The following USP47 variants were observed in gnomAD, a reference collection of about 807,000 sequenced individuals.
USP47 encodes ubiquitin carboxyl-terminal hydrolase 47.
Under a neutral mutation model 165.1 loss-of-function variants are expected in USP47, and 35 were observed. The observed-to-expected ratio is 0.21, with a 90% CI of 0.16 to 0.28. The LOEUF (loss-of-function observed/expected upper bound fraction) is 0.28. USP47 is among the 10% of genes least tolerant of loss of function. USP47 has a pLI of 1.00. For synonymous variants in USP47, 531 were observed against 544.5 expected (o/e 0.98, Z 0.35); for missense variants, 1,277 against 1,607.4 (o/e 0.79, Z 3.52).
intron 1 of USP47, among the ~76,000 whole-genome samples, chr11:11,847,129 T>G (rs1848470770): frequency 6.6e-6 from 1 of 152,150 alleles, no homozygotes; most frequent in African/African-American, 2.4e-5. Flanking sequence ...TTAGAAGGAA[T>G]ACACTAAAAT....
At chr11:11,915,604 A>G (rs944773350) in intron 8 of USP47, among the ~76,000 whole-genome samples, 2 of 152,186 alleles carry the variant, frequency 1.3e-5, no homozygotes, top group African/African-American at 4.8e-5. Context: ...AACTGGGGGA[A>G]GTGTACAAGA....
At chr11:11,913,277 A>C in intron 8 of USP47, among the ~76,000 whole-genome samples, 1 of 149,068 alleles carries the variant, frequency 6.7e-6, no homozygotes, top group Non-Finnish European at 1.5e-5. Flanking sequence ...AAAAAAAAAA[A>C]CAACACCTGA....
chr11:11,871,120 G>C (rs571984637), intron 1 of USP47, among the ~76,000 whole-genome samples: 1 of 152,212 alleles, frequency 6.6e-6, no homozygotes, highest in East Asian at 1.9e-4. Context: ...GTAGTCTTTA[G>C]ATTAGGTCTA....
At chr11:11,847,152 TATTTCTGA>T (rs1348967694) in intron 1 of USP47, among the ~76,000 whole-genome samples, 12 of 152,190 alleles carry the variant, frequency 7.9e-5, no homozygotes, top group Admixed American at 2.0e-4. Flanking sequence ...TAAGAGTTGC[TATTTCTGA>T]ATTTCTGGAT....
intron 5 of USP47, among the ~76,000 whole-genome samples, chr11:11,900,004 TAG>T (rs1852097637): frequency 6.6e-6 from 1 of 151,908 alleles, no homozygotes. Flanking sequence ...ATAGACTATC[TAG>T]AGAGTAGCAC....
chr11:11,870,630 A>G (rs1300022928), intron 1 of USP47, among the ~76,000 whole-genome samples: 2 of 152,068 alleles, frequency 1.3e-5, no homozygotes, highest in African/African-American at 2.4e-5. Flanking sequence ...CTTGAAGGGC[A>G]TTTCTGCTGG....
chr11:11,856,087 C>A (rs1260945285), intron 1 of USP47, among the ~76,000 whole-genome samples: 2 of 152,060 alleles, frequency 1.3e-5, no homozygotes, highest in African/African-American at 4.8e-5. Flanking sequence ...TAGGAAGTGG[C>A]AAAAAATTTA....
At chr11:11,891,209 C>T (rs986179154) in intron 3 of USP47, among the ~76,000 whole-genome samples, 33 of 152,184 alleles carry the variant, frequency 2.2e-4, no homozygotes, top group African/African-American at 7.7e-4. Context: ...AAAACCTGGT[C>T]TGATTTACCT....
At chr11:11,863,134 A>G (rs1157585299) in intron 1 of USP47, among the ~76,000 whole-genome samples, 1 of 152,150 alleles carries the variant, frequency 6.6e-6, no homozygotes, top group African/African-American at 2.4e-5. Flanking sequence ...TGATTTATAG[A>G]GATTGTTTAT....
intron 1 of USP47, among the ~76,000 whole-genome samples, chr11:11,872,169 C>T (rs1247182996): frequency 6.6e-6 from 1 of 152,176 alleles, no homozygotes; most frequent in East Asian, 1.9e-4. Flanking sequence ...AGCTTCCTCA[C>T]TCAACATGTA....
intron 20 of USP47, among the ~76,000 whole-genome samples, chr11:11,947,531 T>G (rs1171215398): frequency 1.3e-5 from 2 of 152,164 alleles, no homozygotes; most frequent in Non-Finnish European, 2.9e-5. Flanking sequence ...ACTATTATCA[T>G]CTCCATTTTT....
Position 11,942,885 on chromosome 11 carries a change from A to G in USP47, c.2864A>G (p.Asp955Gly), listed in dbSNP as rs772562952. 6 of 1,613,656 alleles carry G rather than the reference A, an allele frequency of 3.7e-6. No homozygotes were observed. The Admixed American group carries it at 6.7e-5, about 18-fold the overall frequency. ...AGCAGTGATACTTTGTGCAATGCAG[A>G]CAATGCTCAGATCCCTTTGGCTAAT... ...SHSSDTLCNA[D>G]NAQIPLANGL... Residue 955 changes from aspartate (D) to glycine (G), a missense_variant, in exon 20 of 28, where the codon GAC becomes GGC. Coordinates refer to ENST00000527733, the MANE Select transcript of USP47 (RefSeq NM_001282659.2).
At chr11:11,897,491 A>G in intron 4 of USP47, 106 bp from the exon 5 acceptor site, 3 of 798,968 alleles carry the variant, frequency 3.8e-6, no homozygotes, top group Non-Finnish European at 5.9e-6. Context: ...CCAAATGAGT[A>G]GTAACTTTAA....
At chr11:11,896,451 A>T (rs1851853414) in intron 4 of USP47, among the ~76,000 whole-genome samples, 1 of 152,208 alleles carries the variant, frequency 6.6e-6, no homozygotes, top group Non-Finnish European at 1.5e-5. Flanking sequence ...TCAGAAGAAG[A>T]TACAGAACAA....
chr11:11,928,247 G>A (rs1202963229), intron 11 of USP47, among the ~76,000 whole-genome samples: 1 of 151,880 alleles, frequency 6.6e-6, no homozygotes, highest in Non-Finnish European at 1.5e-5. Context: ...ATAACATGGG[G>A]TTACCACATT....
At position 11,892,066 on chromosome 11, in the gene USP47, A is replaced by G. The variant is rs771306408; in HGVS notation, c.456A>G (p.Gln152=). 5.0e-6 allele frequency: 8 copies of G among 1,613,728 alleles called. No individual in the cohort carries two copies. The Admixed American group carries it at 1.2e-4, about 24-fold the overall frequency. ...SGGSTSDYVS[Q]SYSYSSILNK... ...GTTCTACCAGTGATTATGTCAGCCA[A>G]AGCTACTCCTACTCATCTATTTTGA... The change falls in exon 4 of 28, where the codon CAA becomes CAG. Residue 152 remains glutamine, a synonymous_variant. Transcript: ENST00000527733.
intron 2 of USP47, among the ~76,000 whole-genome samples, chr11:11,881,295 T>G (rs1850810664): frequency 6.6e-6 from 1 of 152,118 alleles, no homozygotes; most frequent in Non-Finnish European, 1.5e-5. Context: ...AGTACCTTGT[T>G]AGACAGCACT....
intron 11 of USP47, 120 bp from the exon 12 acceptor site, chr11:11,929,314 C>T (rs1048786646): frequency 2.2e-6 from 3 of 1,346,492 alleles, no homozygotes; most frequent in South Asian, 1.6e-5. Flanking sequence ...GAAAGTTGAC[C>T]TGTAATATAT....
chr11:11,862,669 A>G (rs1022866009), intron 1 of USP47, among the ~76,000 whole-genome samples: 2 of 152,164 alleles, frequency 1.3e-5, no homozygotes, highest in African/African-American at 4.8e-5. Context: ...AGCTAAGGCT[A>G]AGAAGACTTT....
Sources: gnomAD v4.1 joint callset for allele counts (sites outside exome capture counted in the v4.1 genomes callset) on GRCh38, gnomAD v4.1.1 for gene constraint, MANE v1.5 for transcripts, NCBI Gene and HGNC (gene_info 2026-07-23, HGNC 2026-07-21) for gene names.